PIGG: variants seen among roughly 807,000 people sequenced by gnomAD.
The protein encoded by PIGG is phosphatidylinositol glycan anchor biosynthesis class G (EMM blood group).
In PIGG, 70 loss-of-function variants were observed where a neutral mutation model predicts 83.2. The observed-to-expected ratio is 0.84, with a 90% CI of 0.69 to 1.03. The LOEUF is 1.03. Among genes scored for constraint, PIGG ranks in the 50% least tolerant of loss-of-function variants. The probability of loss-of-function intolerance (pLI) is 0.00; values close to 1 mark genes in which losing one functional copy is unlikely to be tolerated. For missense variants in PIGG, 1,257 were observed against 1,233.6 expected (o/e 1.02, Z -0.28); for synonymous variants, 532 against 519.5 (o/e 1.02, Z -0.33).
At position 527,137 on chromosome 4, in the gene PIGG, C is replaced by T. The variant is rs374262167; in HGVS notation, c.2168C>T (p.Ala723Val). Residue 723 changes from alanine to valine, a missense_variant, in exon 10 of 13, where the codon GCC (alanine) becomes GTC (valine). Physicochemically the swap from Ala to Val is moderately conservative, Grantham distance 64. Coordinates refer to ENST00000453061, the MANE Select transcript of PIGG (RefSeq NM_001127178.3). The stretch of plus-strand genomic sequence containing the variant: ...GGGTGCTCCCCTGTGTCCAAGGCTG[C>T]CCTGGCGCTGGGGCTGCTGGGCGTC... ...QRGCSPVSKA[A>V]LALGLLGVYC... 4.6e-5 allele frequency: 75 copies of T among 1,613,964 alleles called. No homozygotes were observed. Among genetic ancestry groups the T allele is most frequent in the Non-Finnish European group, 2.5e-5 (29 of 1,179,990 alleles).
chr4:526,372 C>T (rs1727607121), intron 9 of PIGG, among the ~76,000 whole-genome samples: 1 of 152,242 alleles, frequency 6.6e-6, no homozygotes, highest in Non-Finnish European at 1.5e-5. Context: ...GCCTTCCCCA[C>T]CCTCACACAG....
At chr4:500,255 C>G in intron 1 of PIGG, 141 bp from the exon 2 acceptor site, 1 of 646,430 alleles carries the variant, frequency 1.5e-6, no homozygotes, top group South Asian at 1.9e-5. Flanking sequence ...CTACCAAGTA[C>G]AAGTCGCCTC....
At chr4:523,976 CTCT>C (rs1221250918) in intron 9 of PIGG, 63 bp downstream of exon 9, 1 of 1,079,976 alleles carries the variant, frequency 9.3e-7, no homozygotes, top group African/African-American at 1.6e-5. Flanking sequence ...ACCTGCCAAG[CTCT>C]TCTTTTTCTA....
chr4:533,574 C>T lies in PIGG; in HGVS notation c.2572-244C>T, dbSNP rs536190401. The T allele has an allele frequency of 6.8e-5, 37 of 545,068 alleles. No individual in the cohort carries two copies. In the Middle Eastern group the frequency reaches 2.5e-3, roughly 37 times the overall value. The allele number at this position is 545,068 out of a possible 1,614,324, so 33.8% of individuals were successfully genotyped here. A position where few individuals can be genotyped will look rare whatever the true frequency, so the allele number is the denominator to read the frequency against. On this transcript the variant is annotated intron_variant, in intron 11 of 12. Transcript: ENST00000453061. ...AGGGGGCCCCAGCTTCTGCACGGTC[C>T]GCTCACGTGCCCTTCCGCAGCCTGG...
At chr4:534,914 G>C (rs923733466) in intron 12 of PIGG, among the ~76,000 whole-genome samples, 1 of 151,922 alleles carries the variant, frequency 6.6e-6, no homozygotes, top group African/African-American at 2.4e-5. Context: ...CCCGTCTCCT[G>C]GCGGTTTTGT....
chr4:537,573 C>T (rs1047142231), intron 12 of PIGG, among the ~76,000 whole-genome samples: 2 of 152,160 alleles, frequency 1.3e-5, no homozygotes, highest in Non-Finnish European at 2.9e-5. Context: ...GGGTCCCCGG[C>T]CTGTGGGGCT....
rs1310793298 is a variant in PIGG, at chr4:521,183, T to A, written c.1242T>A (p.Asp414Glu). Residue 414 changes from aspartate to glutamate, a missense_variant, in exon 7 of 13, where the codon GAT becomes GAA. Coordinates refer to ENST00000453061, the MANE Select transcript of PIGG (RefSeq NM_001127178.3). ...CCAAGGTTCTCAGGCAGTACCTGGATGCTCTGAAGACGCTGAGCTTGTCCC... is the reference window on the plus strand; with the variant it reads ...CCAAGGTTCTCAGGCAGTACCTGGAAGCTCTGAAGACGCTGAGCTTGTCCC... ...LGSKVLRQYL[D>E]ALKTLSLSLS... 6.2e-7 allele frequency: 1 copy of A among 1,614,154 alleles called. No homozygotes were observed. The highest frequency in any genetic ancestry group is 8.5e-7 in the Non-Finnish European group (1 of 1,179,976).
At chr4:501,521 C>T in intron 2 of PIGG, 1 of 179,956 alleles carries the variant, frequency 5.6e-6, no homozygotes, top group South Asian at 1.1e-4. Context: ...CTGACGGAGC[C>T]TTAGCTGTGT....
Position 521,149 on chromosome 4 carries a change from A to C in PIGG, c.1208A>C (p.Asn403Thr), listed in dbSNP as rs139826164. 7 of 1,614,006 alleles carry C rather than the reference A, an allele frequency of 4.3e-6. No individual in the cohort carries two copies. The African/African-American group carries it at 6.7e-5, about 15-fold the overall frequency. The change falls in exon 7 of 13, where the codon AAC becomes ACC. Residue 403 changes from asparagine (N) to threonine (T), a missense_variant. Asn to Thr is a moderately conservative substitution (Grantham distance 65). Transcript: ENST00000453061. ...GAAAAGCATTCAGAAGTCCTATTCA[A>C]CCTGGGCTCCAAGGTTCTCAGGCAG... ...LEEKHSEVLF[N>T]LGSKVLRQYL...
At chr4:521,604 T>A in intron 7 of PIGG, 56 bp from the exon 8 acceptor site, 2 of 1,552,826 alleles carry the variant, frequency 1.3e-6, no homozygotes, top group Non-Finnish European at 1.8e-6. Flanking sequence ...GGCTTATTTT[T>A]AAGTGGGTTT....
rs918902230 is a variant in PIGG at position 509,076 on chromosome 4, G to A, written c.901+106G>A. 3 of 884,754 alleles carry A rather than the reference G, an allele frequency of 3.4e-6. No individual in the cohort carries two copies. The South Asian group carries it at 5.7e-5, about 17-fold the overall frequency. 54.8% of individuals were successfully genotyped at this position (884,754 alleles called of 1,614,324 possible). A position where few individuals can be genotyped will look rare whatever the true frequency, so the allele number is the denominator to read the frequency against. ...TTTTTAGAAGCTCCATAAGGTTGAA[G>A]TCCCCAAGCAATGTGAGCATGAAAA... On this transcript the variant is annotated intron_variant, in intron 5 of 12. Transcript: ENST00000453061.
In PIGG at chr4:505,822, A is replaced by T. The variant is rs1553878778; in HGVS notation, c.465A>T (p.Gly155=). ...DSVIRQAKAA[G]KRIVFYGDET... ...TGATAAGACAAGCAAAAGCAGCTGG[A>T]AAAAGAATAGTCTTTTATGGAGATG... Residue 155 remains glycine, a synonymous_variant, in exon 3 of 13, where the codon GGA becomes GGT. Transcript: ENST00000453061. The T allele has an allele frequency of 6.2e-7, 1 of 1,613,392 alleles. No homozygotes were observed. Among genetic ancestry groups the T allele is most frequent in the South Asian group, 1.1e-5 (1 of 91,038 alleles).
intron 12 of PIGG, among the ~76,000 whole-genome samples, chr4:534,857 TC>T (rs1392026570): frequency 6.7e-6 from 1 of 149,282 alleles, no homozygotes; most frequent in Admixed American, 6.6e-5. Flanking sequence ...GTGCAGAAGT[TC>T]CCCCCGGGGG....
Position 500,521 on chromosome 4 carries a change from A to G in PIGG, c.280A>G (p.Thr94Ala). Residue 94 changes from threonine to alanine, a missense_variant, in exon 2 of 13, where the codon ACT (threonine) becomes GCT (alanine). Thr to Ala is a moderately conservative substitution (Grantham distance 58, BLOSUM62 0). Transcript: ENST00000453061. ...SKGVKFMPYT[T>A]YLVEKGASHS... ...GGGTGTGAAATTTATGCCCTACACA[A>G]CTTACCTTGTGGAAAAAGGAGCATC... The G allele has an allele frequency of 1.2e-6, 2 of 1,613,620 alleles. No individual in the cohort carries two copies. Among genetic ancestry groups the G allele is most frequent in the Non-Finnish European group, 1.7e-6 (2 of 1,179,510 alleles).
chr4:499,243 G>A lies in PIGG; in HGVS notation c.-93G>A, dbSNP rs563346830. 8,976 of 1,404,094 alleles carry A rather than the reference G, an allele frequency of 6.4e-3. 42 individuals carry two copies. Among genetic ancestry groups the A allele is most frequent in the Non-Finnish European group, 8.0e-3 (8,219 of 1,024,742 alleles). 87.0% of individuals were successfully genotyped at this position (1,404,094 alleles called of 1,614,324 possible). On this transcript the variant is annotated 5_prime_UTR_variant, in exon 1 of 13. Transcript: ENST00000453061. Reference sequence around the variant, plus strand: ...TGCGACGATAAGGCCTGGCGTTATTGCTTAGAGGCGGCTACCTGGAGCCGG... The same window carrying A: ...TGCGACGATAAGGCCTGGCGTTATTACTTAGAGGCGGCTACCTGGAGCCGG...
chr4:513,011 C>T (rs1392132927), intron 5 of PIGG, among the ~76,000 whole-genome samples: 1 of 152,174 alleles, frequency 6.6e-6, no homozygotes, highest in Non-Finnish European at 1.5e-5. Flanking sequence ...GGGCTGCACC[C>T]ACCACAGGAG....
chr4:499,497 C>G lies in PIGG; in HGVS notation c.154+8C>G. 1 of 1,587,750 alleles carries G rather than the reference C, an allele frequency of 6.3e-7. No homozygotes were observed. The highest frequency in any genetic ancestry group is 8.5e-7 in the Non-Finnish European group (1 of 1,173,750). ...CGCCCGAACCCTCGGCTGGTACGGA[C>G]CCCTCCCCGGCGTCTCCGCTCCCCT... On this transcript the variant is annotated splice_region_variant and intron_variant, in intron 1 of 12. Transcript: ENST00000453061.
intron 1 of PIGG, chr4:499,827 G>A: frequency 1.3e-6 from 1 of 770,352 alleles, no homozygotes; most frequent in East Asian, 5.6e-5. Flanking sequence ...CGTTATAGGC[G>A]CCCTTTTTGC....
intron 7 of PIGG, 97 bp downstream of exon 7, chr4:521,370 A>C (rs1577092756): frequency 1.3e-6 from 1 of 795,316 alleles, no homozygotes; most frequent in Non-Finnish European, 2.0e-6. Context: ...GTGTTATTAA[A>C]AATGGGAAAA....
Sources: allele counts gnomAD v4.1 joint callset (sites outside exome capture counted in the v4.1 genomes callset), GRCh38; gene constraint gnomAD v4.1.1; transcripts MANE v1.5; gene names NCBI Gene and HGNC (gene_info 2026-07-23, HGNC 2026-07-21).